Variants in TDRD7 observed in about 807,000 individuals in gnomAD.
The protein encoded by TDRD7 is tudor domain containing 7, also known as tudor domain-containing protein 7.
A neutral mutation model predicts 109.8 loss-of-function variants in TDRD7; 47 were observed. The ratio of observed to expected loss-of-function variants is 0.43; its 90% CI spans 0.34 to 0.55. TDRD7 has a LOEUF of 0.55. Among genes scored for constraint, TDRD7 ranks in the 20% least tolerant of loss-of-function variants. TDRD7 has a pLI of 0.03. For missense variants in TDRD7, 1,164 were observed against 1,319.2 expected (o/e 0.88, Z 1.82); for synonymous variants, 424 against 457.3 (o/e 0.93, Z 0.93).
At chr9:97,439,221 CTT>C (rs757286630) in intron 4 of TDRD7, 22 bp from the exon 5 acceptor site, 671 of 1,163,934 alleles carry the variant, frequency 5.8e-4, no homozygotes, top group South Asian at 7.7e-4. Flanking sequence ...ATTTATTTTA[CTT>C]TTTTTTTTTT....
intron 6 of TDRD7, among the ~76,000 whole-genome samples, chr9:97,449,969 G>T (rs1300884460): frequency 6.6e-6 from 1 of 152,186 alleles, no homozygotes; most frequent in East Asian, 1.9e-4. Context: ...GAAATCCAGA[G>T]GGGTGTGAGG....
chr9:97,483,404 T>C, intron 15 of TDRD7, 53 bp downstream of exon 15: 1 of 1,601,268 alleles, frequency 6.2e-7, no homozygotes, highest in Admixed American at 1.7e-5. Context: ...ATGTGTAAAA[T>C]GATGCCAGAG....
At chr9:97,449,497 T>C (rs1385661120) in intron 6 of TDRD7, among the ~76,000 whole-genome samples, 2 of 152,228 alleles carry the variant, frequency 1.3e-5, no homozygotes, top group Non-Finnish European at 2.9e-5. Context: ...CAAACAGTTA[T>C]ATTTACTGAT....
intron 2 of TDRD7, among the ~76,000 whole-genome samples, chr9:97,429,955 AC>A (rs1353717559): frequency 2.0e-5 from 3 of 152,204 alleles, no homozygotes; most frequent in Non-Finnish European, 4.4e-5. Flanking sequence ...CTATTAAAAT[AC>A]CCCCGTTGCT....
chr9:97,481,525 A>T (rs917733077), intron 14 of TDRD7, among the ~76,000 whole-genome samples: 1 of 152,218 alleles, frequency 6.6e-6, no homozygotes, highest in African/African-American at 2.4e-5. Context: ...TAACTGATGG[A>T]AATTGTATGA....
At chr9:97,468,011 G>T (rs1251158648) in intron 8 of TDRD7, among the ~76,000 whole-genome samples, 2 of 152,228 alleles carry the variant, frequency 1.3e-5, no homozygotes, top group Non-Finnish European at 2.9e-5. Flanking sequence ...TGTTGAAATT[G>T]GGAAGTCAGA....
chr9:97,493,401 T>A (rs1482150667), intron 16 of TDRD7, among the ~76,000 whole-genome samples: 1 of 152,014 alleles, frequency 6.6e-6, no homozygotes, highest in Non-Finnish European at 1.5e-5. Flanking sequence ...AAGTTTCTAT[T>A]AGTGATTTTC....
chr9:97,448,864 T>C (rs1057339314), intron 6 of TDRD7, among the ~76,000 whole-genome samples: 12 of 152,164 alleles, frequency 7.9e-5, no homozygotes, highest in Admixed American at 3.9e-4. Context: ...AACTGGACAA[T>C]ACCAATTCTG....
rs562099353 is a variant in TDRD7, at chr9:97,478,971, C to T, written c.2301+398C>T. On this transcript the variant is annotated intron_variant, in intron 13 of 16. Transcript: ENST00000355295. ...ATCTGTTTAGACATAATCATTTTCT[C>T]GGTGACTTCCCCACCATACATTTTA... 6.6e-5 allele frequency among the ~76,000 whole-genome samples: 10 copies of T among 152,108 alleles called. No individual in the cohort carries two copies. In the East Asian group the frequency reaches 1.9e-3, roughly 29 times the overall value.
chr9:97,495,893 C>T lies in TDRD7; in HGVS notation c.*10C>T. On this transcript the variant is annotated 3_prime_UTR_variant, in exon 17 of 17. Coordinates refer to ENST00000355295, the MANE Select transcript of TDRD7 (RefSeq NM_014290.3). The stretch of plus-strand genomic sequence containing the variant: ...TTCAAAAGTTAATTAATGACTGCCT[C>T]TGAAACCTTGACAACTAATTCAGAT... 1 of 1,608,950 alleles carries T rather than the reference C, an allele frequency of 6.2e-7. No individual in the cohort carries two copies. The highest frequency in any genetic ancestry group is 8.5e-7 in the Non-Finnish European group (1 of 1,175,590).
intron 1 of TDRD7, among the ~76,000 whole-genome samples, chr9:97,422,395 C>CA (rs368318816): frequency 0.062 from 9,087 of 146,840 alleles, 460 homozygotes; most frequent in African/African-American, 0.15. Flanking sequence ...GACCCTGTCT[C>CA]AAAAAAAAAA....
In TDRD7 at chr9:97,473,628, T is replaced by C; in HGVS notation, c.2079+2T>C. 6.2e-7 allele frequency: 1 copy of C among 1,613,664 alleles called. No individual in the cohort carries two copies. The highest frequency in any genetic ancestry group is 8.5e-7 in the Non-Finnish European group (1 of 1,179,682). On this transcript the variant is annotated splice_donor_variant, in intron 11 of 16. Transcript: ENST00000355295. LOFTEE classifies it high-confidence loss of function. ...ATAGAGGACTACTTCCATTGCAAGG[T>C]ATAGCAGAACCTCTTCTACCTCTAA...
chr9:97,473,963 T>TG (rs1347543481), intron 11 of TDRD7, among the ~76,000 whole-genome samples: 1 of 152,198 alleles, frequency 6.6e-6, no homozygotes, highest in Non-Finnish European at 1.5e-5. Context: ...CAGCTGCCTG[T>TG]GACTGTCTGC....
intron 5 of TDRD7, among the ~76,000 whole-genome samples, chr9:97,440,169 T>C (rs1182285317): frequency 6.6e-6 from 1 of 152,208 alleles, no homozygotes; most frequent in Non-Finnish European, 1.5e-5. Flanking sequence ...ATGGCAAAGT[T>C]GAATATCCTT....
chr9:97,495,526 G>A (rs1472208012), intron 16 of TDRD7, 137 bp from the exon 17 acceptor site: 10 of 818,688 alleles, frequency 1.2e-5, no homozygotes, highest in South Asian at 5.6e-5. Flanking sequence ...TTCAGTAACC[G>A]TTTTTCAGTT....
intron 13 of TDRD7, among the ~76,000 whole-genome samples, chr9:97,479,054 G>A (rs533687762): frequency 6.6e-6 from 1 of 152,052 alleles, no homozygotes; most frequent in Non-Finnish European, 1.5e-5. Context: ...AGATGATAAG[G>A]ATTTTGAATA....
chr9:97,427,636 C>T (rs1828022986), intron 1 of TDRD7, among the ~76,000 whole-genome samples: 1 of 152,216 alleles, frequency 6.6e-6, no homozygotes, highest in South Asian at 2.1e-4. Flanking sequence ...CTTTATCCCA[C>T]CTCAATGTGG....
At chr9:97,490,034 G>GCA (rs139007849) in intron 16 of TDRD7, among the ~76,000 whole-genome samples, 52 of 151,128 alleles carry the variant, frequency 3.4e-4, no homozygotes, top group East Asian at 9.7e-4. Context: ...GTGCACACGT[G>GCA]CACACACACA....
At chr9:97,487,087 T>C in intron 15 of TDRD7, 85 bp from the exon 16 acceptor site, 1 of 1,434,280 alleles carries the variant, frequency 7.0e-7, no homozygotes, top group Non-Finnish European at 9.7e-7. Flanking sequence ...TTAATTTTTC[T>C]TTTTATCATA....
Sources: allele counts gnomAD v4.1 joint callset (sites outside exome capture counted in the v4.1 genomes callset), GRCh38; gene constraint gnomAD v4.1.1; transcripts MANE v1.5; gene names NCBI Gene and HGNC (gene_info 2026-07-23, HGNC 2026-07-21).